Variants in PLAGL2 observed in about 807,000 individuals in gnomAD.
The protein encoded by PLAGL2 is PLAG1 like zinc finger 2.
In PLAGL2, 7 loss-of-function variants were observed where a neutral mutation model predicts 29.0. That is an observed-to-expected ratio of 0.24 (90% CI 0.14 to 0.45). The LOEUF (loss-of-function observed/expected upper bound fraction) is 0.45, where lower values mean the gene tolerates loss of function less well. Ranked by LOEUF, PLAGL2 falls within the 20% of genes least tolerant of loss-of-function variation. The pLI is 0.99. For synonymous variants in PLAGL2, 234 were observed against 266.0 expected (o/e 0.88, Z 1.17); for missense variants, 454 against 648.2 (o/e 0.70, Z 3.25).
Position 32,197,695 on chromosome 20 carries a change from A to T in PLAGL2, c.261-13T>A. On this transcript the variant is annotated splice_polypyrimidine_tract_variant and intron_variant, in intron 2 of 2. Coordinates refer to ENST00000246229, the MANE Select transcript of PLAGL2 (RefSeq NM_002657.3). This position sits in a 1 kb window ranked among gnomAD's most constrained non-coding sequence, Gnocchi z 6.6. ...GGTGGCCATGTGCCTGGGGGTAGAG[A>T]CAGGGGATAGGGGAGAAAGCAGAAA... The T allele has an allele frequency of 1.2e-6, 2 of 1,609,964 alleles. No individual in the cohort carries two copies. The highest frequency in any genetic ancestry group is 8.5e-7 in the Non-Finnish European group (1 of 1,176,926).
chr20:32,195,921 AGGAGGAAT>A lies in PLAGL2; in HGVS notation c.*523_*530del, dbSNP rs1291374543. The A allele has an allele frequency of 2.0e-5, 3 of 152,776 alleles. No homozygotes were observed. The highest frequency in any genetic ancestry group is 4.4e-5 in the Non-Finnish European group (3 of 68,128). The allele number at this position is 152,776 out of a possible 1,614,324, so 9.5% of individuals were successfully genotyped here. On this transcript the variant is annotated 3_prime_UTR_variant, in exon 3 of 3. Transcript: ENST00000246229. ...TGACTGAAAACGGAGGTGCTGGTACAGGAGGAATGGGTGGGCGAGAAATAAAGGCCTTC... is the reference window on the plus strand; with the variant it reads ...TGACTGAAAACGGAGGTGCTGGTACAGGGTGGGCGAGAAATAAAGGCCTTC...
At chr20:32,207,421 C>T (rs2122553404) in intron 1 of PLAGL2, among the ~76,000 whole-genome samples, 1 of 152,224 alleles carries the variant, frequency 6.6e-6, no homozygotes, top group South Asian at 2.1e-4. Context: ...CCTCGGGTCC[C>T]CCAGACACAG....
At chr20:32,206,684 C>T (rs2122551804) in intron 1 of PLAGL2, among the ~76,000 whole-genome samples, 1 of 152,352 alleles carries the variant, frequency 6.6e-6, no homozygotes, top group Non-Finnish European at 1.5e-5. Context: ...ACCGATTCCC[C>T]CACACAGGTG....
chr20:32,192,637 T>C lies in PLAGL2; in HGVS notation c.*3815A>G, dbSNP rs1269662904. Reference sequence around the variant, plus strand: ...GTGCATTTTCTAATGGCACTTATACTTTACAATTAAAAACCTTGTTTTATA... The same window carrying C: ...GTGCATTTTCTAATGGCACTTATACCTTACAATTAAAAACCTTGTTTTATA... On this transcript the variant is annotated 3_prime_UTR_variant, in exon 3 of 3. Transcript: ENST00000246229. 1.3e-5 allele frequency: 2 copies of C among 152,320 alleles called. No individual in the cohort carries two copies. The highest frequency in any genetic ancestry group is 4.9e-5 in the African/African-American group (2 of 41,134). The allele number at this position is 152,320 out of a possible 1,614,324, so 9.4% of individuals were successfully genotyped here.
In PLAGL2 at chr20:32,194,048, C is replaced by A. The variant is rs536814653; in HGVS notation, c.*2404G>T. 6.5e-6 allele frequency: 1 copy of A among 152,820 alleles called. No individual in the cohort carries two copies. Among genetic ancestry groups the A allele is most frequent in the Non-Finnish European group, 1.5e-5 (1 of 68,118 alleles). 9.5% of individuals were successfully genotyped at this position (152,820 alleles called of 1,614,324 possible). On this transcript the variant is annotated 3_prime_UTR_variant, in exon 3 of 3. Transcript: ENST00000246229. ...ACAAAGGGTTTAAACAGTTGCTTTG[C>A]CAGTCCTATGACTTTTCCAGCATCA...
intron 1 of PLAGL2, among the ~76,000 whole-genome samples, chr20:32,206,955 C>A (rs937352121): frequency 1.3e-5 from 2 of 152,030 alleles, no homozygotes; most frequent in East Asian, 3.9e-4. Flanking sequence ...GGGATCCCCA[C>A]AAGAATGAAA....
At chr20:32,200,754 C>A (rs895221990) in intron 2 of PLAGL2, among the ~76,000 whole-genome samples, 1 of 152,048 alleles carries the variant, frequency 6.6e-6, no homozygotes, top group Non-Finnish European at 1.5e-5. Flanking sequence ...CCACACCCAG[C>A]TAATTTTTAA....
Position 32,202,265 on chromosome 20 carries a change from C to T in PLAGL2, c.-87G>A, listed in dbSNP as rs1236220877. Reference sequence around the variant, plus strand: ...CTCTCAGCTCTGTCACAGCCTCCAACGCAGCTTTCAGAAAACAATCTCTTC... The same window carrying T: ...CTCTCAGCTCTGTCACAGCCTCCAATGCAGCTTTCAGAAAACAATCTCTTC... On this transcript the variant is annotated 5_prime_UTR_variant, in exon 2 of 3. Coordinates refer to ENST00000246229, the MANE Select transcript of PLAGL2 (RefSeq NM_002657.3). The T allele has an allele frequency of 8.7e-6, 12 of 1,382,734 alleles. No individual in the cohort carries two copies. The highest frequency in any genetic ancestry group is 7.9e-5 in the South Asian group (6 of 76,242). The allele number at this position is 1,382,734 out of a possible 1,614,324, so 85.7% of individuals were successfully genotyped here.
chr20:32,198,124 C>T (rs2047239901), intron 2 of PLAGL2, among the ~76,000 whole-genome samples: 1 of 152,154 alleles, frequency 6.6e-6, no homozygotes, highest in Non-Finnish European at 1.5e-5. Flanking sequence ...TGTATGTTTG[C>T]TTGTATATGG....
rs2047210220 is a variant in PLAGL2, at chr20:32,193,246, G to C, written c.*3206C>G. The C allele has an allele frequency of 6.6e-6, 1 of 152,166 alleles. No homozygotes were observed. Among genetic ancestry groups the C allele is most frequent in the Admixed American group, 6.6e-5 (1 of 15,260 alleles). The allele number at this position is 152,166 out of a possible 1,614,324, so 9.4% of individuals were successfully genotyped here. On this transcript the variant is annotated 3_prime_UTR_variant, in exon 3 of 3. Coordinates refer to ENST00000246229, the MANE Select transcript of PLAGL2 (RefSeq NM_002657.3). ...GAGAAAACAGCTACCAAAAAGGGAGGGGGGAGTTTAAAGGACTACTAGGGA... is the reference window on the plus strand; with the variant it reads ...GAGAAAACAGCTACCAAAAAGGGAGCGGGGAGTTTAAAGGACTACTAGGGA...
At position 32,196,615 on chromosome 20, in the gene PLAGL2, T is replaced by A; in HGVS notation, c.1328A>T (p.Gln443Leu). ...GGTAAGCAGGGGCTGTGCCTCAGCC[T>A]GGGAGTAGCCCATGACCAGGCCTCC... is the stretch of plus-strand genomic sequence containing the variant. Reference protein sequence around the residue: ...ATGGLVMGYSQAEAQPLLTTL... With the variant: ...ATGGLVMGYSLAEAQPLLTTL... Residue 443 changes from glutamine (Q) to leucine (L), a missense_variant, in exon 3 of 3, where the codon CAG (glutamine) becomes CTG (leucine). Transcript: ENST00000246229. 6.5e-7 allele frequency: 1 copy of A among 1,531,550 alleles called. No homozygotes were observed. Among genetic ancestry groups the A allele is most frequent in the Non-Finnish European group, 8.8e-7 (1 of 1,142,818 alleles). The allele number at this position is 1,531,550 out of a possible 1,614,324, so 94.9% of individuals were successfully genotyped here.
At chr20:32,201,008 T>A (rs1422615667) in intron 2 of PLAGL2, among the ~76,000 whole-genome samples, 3 of 152,182 alleles carry the variant, frequency 2.0e-5, no homozygotes, top group Non-Finnish European at 4.4e-5. Flanking sequence ...TAGGGGTTCT[T>A]GGGCTTACAA....
chr20:32,207,110 T>C (rs1169346557), intron 1 of PLAGL2, among the ~76,000 whole-genome samples: 2 of 151,820 alleles, frequency 1.3e-5, no homozygotes, highest in East Asian at 3.9e-4. Context: ...GAACTACAGG[T>C]GGGGCTTATT....
In PLAGL2 at chr20:32,197,355, G is replaced by A. The variant is rs563746599; in HGVS notation, c.588C>T (p.Cys196=). Residue 196 remains cysteine, a synonymous_variant, in exon 3 of 3, where the codon TGC becomes TGT. Transcript: ENST00000246229. This position sits in a 1 kb window ranked among gnomAD's most constrained non-coding sequence, Gnocchi z 6.6. The part of the protein sequence containing the change: ...AKEKKHPCDH[C]DRRFYTRKDV... ...CCTTACGAGTATAGAACCGCCGGTC[G>A]CAGTGGTCACAGGGGTGCTTCTTCT... The A allele has an allele frequency of 1.0e-5, 16 of 1,605,208 alleles. No homozygotes were observed. Among genetic ancestry groups the A allele is most frequent in the African/African-American group, 4.0e-5 (3 of 74,706 alleles).
rs746959329 is a variant in PLAGL2, at chr20:32,196,691, G to A, written c.1252C>T (p.Leu418=). 2.0e-5 allele frequency: 31 copies of A among 1,552,420 alleles called. No homozygotes were observed. The highest frequency in any genetic ancestry group is 2.6e-5 in the Non-Finnish European group (30 of 1,149,214). ...GGCAGGTTGAGTGGAAGAAAGCCCA[G>A]TAGGTGGGAGAAGTCCACATTAGCA... ...CAANVDFSHL[L]GFLPLNLPPC... The change falls in exon 3 of 3, where the codon CTG becomes TTG. Residue 418 remains leucine (L), a synonymous_variant. Coordinates refer to ENST00000246229, the MANE Select transcript of PLAGL2 (RefSeq NM_002657.3).
At position 32,197,686 on chromosome 20, in the gene PLAGL2, G is replaced by C; in HGVS notation, c.261-4C>G. ...GGCTGAGTGGGTGGCCATGTGCCTG[G>C]GGGTAGAGACAGGGGATAGGGGAGA... On this transcript the variant is annotated splice_region_variant and splice_polypyrimidine_tract_variant and intron_variant, in intron 2 of 2. Transcript: ENST00000246229. The surrounding 1 kb of genome is among the most constrained non-coding windows in gnomAD (Gnocchi z 6.6). The C allele has an allele frequency of 1.9e-6, 3 of 1,612,220 alleles. No homozygotes were observed. The highest frequency in any genetic ancestry group is 2.5e-6 in the Non-Finnish European group (3 of 1,178,542).
rs538368034 is a variant in PLAGL2, at chr20:32,194,146, C to T, written c.*2306G>A. 2 of 152,338 alleles carry T rather than the reference C, an allele frequency of 1.3e-5. No homozygotes were observed. The highest frequency in any genetic ancestry group is 2.1e-4 in the South Asian group (1 of 4,826). The allele number at this position is 152,338 out of a possible 1,614,324, so 9.4% of individuals were successfully genotyped here. Reference sequence around the variant, plus strand: ...AGAGGAAAGGACTCCTCTAACAGCCCGGGACTTTGTATTCTGCAGCCAGAG... The same window carrying T: ...AGAGGAAAGGACTCCTCTAACAGCCTGGGACTTTGTATTCTGCAGCCAGAG... On this transcript the variant is annotated 3_prime_UTR_variant, in exon 3 of 3. Transcript: ENST00000246229.
chr20:32,198,969 T>C lies in PLAGL2; in HGVS notation c.261-1287A>G, dbSNP rs569259494. Among the ~76,000 whole-genome samples, 3 of 152,312 alleles carry C rather than the reference T, an allele frequency of 2.0e-5. No homozygotes were observed. In the South Asian group the frequency reaches 6.2e-4, roughly 32 times the overall value. On this transcript the variant is annotated intron_variant, in intron 2 of 2. Transcript: ENST00000246229. ...CTTCAGTGTCCCTTGGTTTACCTGA[T>C]CCTATATGGTTGAAAAGTGGCTCAG...
At chr20:32,201,853 C>A in intron 2 of PLAGL2, 66 bp downstream of exon 2, 1 of 1,404,416 alleles carries the variant, frequency 7.1e-7, no homozygotes, top group Admixed American at 1.9e-5. Flanking sequence ...CCACACTAGG[C>A]AGAGTCTCTC....
Sources: allele counts gnomAD v4.1 joint callset (sites outside exome capture counted in the v4.1 genomes callset), GRCh38; gene constraint gnomAD v4.1.1; non-coding constraint Gnocchi (gnomAD v3.1); transcripts MANE v1.5; gene names NCBI Gene and HGNC (gene_info 2026-07-23, HGNC 2026-07-21).